GNAI3: variants seen among roughly 807,000 people sequenced by gnomAD.
GNAI3 encodes the protein G protein subunit alpha i3.
In GNAI3, 12 loss-of-function variants were observed where a neutral mutation model predicts 41.8. That is an observed-to-expected ratio of 0.29 (90% CI 0.18 to 0.47). GNAI3 has a LOEUF of 0.47. GNAI3 is among the 20% of genes least tolerant of loss of function. The probability of loss-of-function intolerance (pLI) is 1.00; values close to 1 mark genes in which losing one functional copy is unlikely to be tolerated. For synonymous variants in GNAI3, 132 were observed against 146.5 expected, an observed-to-expected ratio of 0.90 and a Z score of 0.71; for missense variants, 360 against 429.6, an observed-to-expected ratio of 0.84 and a Z score of 1.43.
At chr1:109,566,809 C>T (rs1333513166) in intron 1 of GNAI3, among the ~76,000 whole-genome samples, 3 of 152,148 alleles carry the variant, frequency 2.0e-5, no homozygotes, top group Non-Finnish European at 4.4e-5. Flanking sequence ...GTGATCCACC[C>T]GCCTCGGCCT....
At chr1:109,559,171 G>A (rs1489338106) in intron 1 of GNAI3, among the ~76,000 whole-genome samples, 1 of 151,490 alleles carries the variant, frequency 6.6e-6, no homozygotes, top group Non-Finnish European at 1.5e-5. Flanking sequence ...GACAGAGCGA[G>A]ACTCTGTCTC....
intron 4 of GNAI3, among the ~76,000 whole-genome samples, chr1:109,580,134 T>G (rs1423777284): frequency 1.3e-5 from 2 of 152,182 alleles, no homozygotes; most frequent in Non-Finnish European, 2.9e-5. Context: ...CCCAAGTAAC[T>G]GGGACTACAG....
At chr1:109,583,389 A>T (rs545857324) in intron 5 of GNAI3, among the ~76,000 whole-genome samples, 2 of 151,920 alleles carry the variant, frequency 1.3e-5, no homozygotes, top group South Asian at 2.1e-4. Context: ...TTTTAAAAAA[A>T]TTTTATGTAG....
intron 1 of GNAI3, among the ~76,000 whole-genome samples, chr1:109,572,213 G>C (rs1437259980): frequency 8.5e-5 from 13 of 152,078 alleles, no homozygotes; most frequent in Admixed American, 2.6e-4. Context: ...AGGAGGCTGA[G>C]GCAGGAGAAT....
chr1:109,570,764 G>A (rs1182359314), intron 1 of GNAI3, among the ~76,000 whole-genome samples: 1 of 152,160 alleles, frequency 6.6e-6, no homozygotes, highest in African/African-American at 2.4e-5. Flanking sequence ...AAGAGATGAG[G>A]GTGAAGAGGT....
chr1:109,556,297 C>T (rs554924613), intron 1 of GNAI3, among the ~76,000 whole-genome samples: 3 of 152,182 alleles, frequency 2.0e-5, no homozygotes, highest in Admixed American at 1.3e-4. Context: ...CCCACCTCAG[C>T]CTCCCAAAAT....
At chr1:109,580,154 AC>A (rs1310571812) in intron 4 of GNAI3, among the ~76,000 whole-genome samples, 2 of 152,110 alleles carry the variant, frequency 1.3e-5, no homozygotes, top group Non-Finnish European at 2.9e-5. Flanking sequence ...GGCGCCCGCC[AC>A]CATGCCCGGC....
rs753035613 is a variant in GNAI3 at position 109,592,237 on chromosome 1, G to T, written c.*4G>T. The T allele has an allele frequency of 6.3e-7, 1 of 1,586,268 alleles. No homozygotes were observed. The highest frequency in any genetic ancestry group is 1.1e-5 in the South Asian group (1 of 90,454). The stretch of plus-strand genomic sequence containing the variant: ...AAAGGAATGTGGACTTTATTGAGAA[G>T]CATGGATGTTAGTGAAAGGTAAAGT... On this transcript the variant is annotated 3_prime_UTR_variant, in exon 8 of 9. Coordinates refer to ENST00000369851, the MANE Select transcript of GNAI3 (RefSeq NM_006496.4).
In GNAI3 at chr1:109,592,746, CTT is replaced by C. The variant is rs1649203105; in HGVS notation, c.*426_*427del. The C allele has an allele frequency of 6.5e-6, 1 of 153,070 alleles. No homozygotes were observed. Among genetic ancestry groups the C allele is most frequent in the Non-Finnish European group, 1.5e-5 (1 of 68,404 alleles). 9.5% of individuals were successfully genotyped at this position (153,070 alleles called of 1,614,324 possible). A position where few individuals can be genotyped will look rare whatever the true frequency, so the allele number is the denominator to read the frequency against. ...TTTATTTCTTTATTTGCAAAAGAAT[CTT>C]TATTAAAACAAACAATCTTAACTAT... is the stretch of plus-strand genomic sequence containing the variant. On this transcript the variant is annotated 3_prime_UTR_variant, in exon 9 of 9. Transcript: ENST00000369851.
intron 1 of GNAI3, among the ~76,000 whole-genome samples, chr1:109,555,496 C>G (rs1258895476): frequency 1.3e-5 from 2 of 152,142 alleles, no homozygotes; most frequent in Non-Finnish European, 2.9e-5. Context: ...AAGCATTAAT[C>G]ACTTTTGCAG....
intron 1 of GNAI3, among the ~76,000 whole-genome samples, chr1:109,566,206 G>GT (rs1648449458): frequency 6.6e-6 from 1 of 152,172 alleles, no homozygotes; most frequent in African/African-American, 2.4e-5. Context: ...TTGAATAGGG[G>GT]TTTTACGGAT....
In GNAI3 at chr1:109,586,854, G is replaced by A. The variant is rs558679815; in HGVS notation, c.846G>A (p.Pro282=). The A allele has an allele frequency of 2.6e-5, 42 of 1,601,096 alleles. No homozygotes were observed. The highest frequency in any genetic ancestry group is 3.3e-5 in the Admixed American group (2 of 59,850). ...DLFEEKIKRS[P]LTICYPEYTG... ...TTGAGGAAAAAATAAAGAGGAGTCC[G>A]TTAACTATCTGTTATCCAGAATACA... Residue 282 remains proline (P), a synonymous_variant, in exon 7 of 9, where the codon CCG becomes CCA. Coordinates refer to ENST00000369851, the MANE Select transcript of GNAI3 (RefSeq NM_006496.4).
chr1:109,589,436 AAGTGT>A (rs1197300306), intron 7 of GNAI3, among the ~76,000 whole-genome samples: 1 of 152,174 alleles, frequency 6.6e-6, no homozygotes, highest in Non-Finnish European at 1.5e-5. Flanking sequence ...GAAAGAAGAC[AAGTGT>A]AGACTACTCT....
At chr1:109,562,479 CCTT>C (rs773317801) in intron 1 of GNAI3, among the ~76,000 whole-genome samples, 4 of 152,136 alleles carry the variant, frequency 2.6e-5, no homozygotes, top group Admixed American at 1.3e-4. Flanking sequence ...GCATTGTTCT[CCTT>C]CTTATTACCT....
intron 3 of GNAI3, among the ~76,000 whole-genome samples, chr1:109,575,442 T>G (rs1648711971): frequency 6.6e-6 from 1 of 151,952 alleles, no homozygotes; most frequent in African/African-American, 2.4e-5. Flanking sequence ...TCTCAGTTAT[T>G]TATTCTTTTA....
chr1:109,569,503 A>C (rs917721458), intron 1 of GNAI3, among the ~76,000 whole-genome samples: 1 of 152,232 alleles, frequency 6.6e-6, no homozygotes, highest in Non-Finnish European at 1.5e-5. Flanking sequence ...GAGATGGAAC[A>C]TAGGAAGCAG....
At chr1:109,561,400 A>T (rs1648304115) in intron 1 of GNAI3, among the ~76,000 whole-genome samples, 1 of 152,278 alleles carries the variant, frequency 6.6e-6, no homozygotes, top group African/African-American at 2.4e-5. Flanking sequence ...TACCTTTGTA[A>T]AACACTCAGG....
At chr1:109,564,789 T>C (rs1648407469) in intron 1 of GNAI3, among the ~76,000 whole-genome samples, 1 of 152,218 alleles carries the variant, frequency 6.6e-6, no homozygotes, top group South Asian at 2.1e-4. Context: ...TAGAAGAGAT[T>C]ATGGGCAGGC....
intron 1 of GNAI3, among the ~76,000 whole-genome samples, chr1:109,563,723 A>G (rs1001180530): frequency 1.3e-5 from 2 of 152,166 alleles, no homozygotes; most frequent in Non-Finnish European, 2.9e-5. Flanking sequence ...ATATAGTGCC[A>G]TGTAAGTTAT....
Sources: gnomAD v4.1 joint callset for allele counts (sites outside exome capture counted in the v4.1 genomes callset) on GRCh38, gnomAD v4.1.1 for gene constraint, MANE v1.5 for transcripts, NCBI Gene and HGNC (gene_info 2026-07-23, HGNC 2026-07-21) for gene names.